The following DOP1A variants were observed in gnomAD, a reference collection of about 807,000 sequenced individuals.
The protein encoded by DOP1A is protein DOP1A.
A neutral mutation model predicts 267.6 loss-of-function variants in DOP1A; 90 were observed. The ratio of observed to expected loss-of-function variants is 0.34; its 90% confidence interval spans 0.28 to 0.40. The LOEUF is 0.40. DOP1A is among the 10% of genes least tolerant of loss of function. The pLI is 1.00. For synonymous variants in DOP1A, 932 were observed against 999.1 expected (o/e 0.93, Z 1.27); for missense variants, 2,437 against 2,900.4 (o/e 0.84, Z 3.67).
rs115375473 is a variant in DOP1A, at chr6:83,075,371, A to G, written c.-147+7592A>G. Among the ~76,000 whole-genome samples the G allele has an allele frequency of 1.7e-3, 261 of 152,278 alleles. 1 individual carries two copies. Among genetic ancestry groups the G allele is most frequent in the African/African-American group, 6.1e-3 (253 of 41,550 alleles). ...AGTCACAGTTCAATTACAATAAAGC[A>G]AGGTAAGTTCTATGATAGAGGAAGT... On this transcript the variant is annotated intron_variant, in intron 1 of 38. Transcript: ENST00000349129.
intron 6 of DOP1A, among the ~76,000 whole-genome samples, chr6:83,110,573 C>T (rs956100820): frequency 6.6e-6 from 1 of 151,912 alleles, no homozygotes; most frequent in East Asian, 1.9e-4. Context: ...AGCCAGATTC[C>T]GTATGGAATT....
intron 4 of DOP1A, among the ~76,000 whole-genome samples, chr6:83,103,625 C>T (rs749936956): frequency 4.6e-5 from 7 of 152,144 alleles, no homozygotes; most frequent in Non-Finnish European, 7.4e-5. Context: ...ATCTCTTAAC[C>T]ATTTTTCATA....
chr6:83,166,726 A>G (rs1372284785), intron 38 of DOP1A: 1 of 1,184,136 alleles, frequency 8.4e-7, no homozygotes, highest in Non-Finnish European at 1.0e-6. Context: ...ATAAGCAATA[A>G]GCTTGAGAGC....
In DOP1A at chr6:83,121,950, G is replaced by A; in HGVS notation, c.1120G>A (p.Val374Ile). 1 of 1,606,158 alleles carries A rather than the reference G, an allele frequency of 6.2e-7. No homozygotes were observed. Among genetic ancestry groups the A allele is most frequent in the Non-Finnish European group, 8.5e-7 (1 of 1,175,492 alleles). The change falls in exon 11 of 39, where the codon GTC becomes ATC. Residue 374 changes from valine to isoleucine, a missense_variant. This residue lies in a region of DOP1A where 498 missense variants were observed against 513.5 expected (regional missense o/e 0.97). Coordinates refer to ENST00000349129, the MANE Select transcript of DOP1A (RefSeq NM_015018.4). Reference protein sequence around the residue: ...PELGPVILEDVLIEVFRTLYS... With the variant: ...PELGPVILEDILIEVFRTLYS... ...TTTAGGACCTGTAATTCTAGAAGATGTCCTGATTGAAGTGTTTAGAACATT... is the reference window on the plus strand; with the variant it reads ...TTTAGGACCTGTAATTCTAGAAGATATCCTGATTGAAGTGTTTAGAACATT...
In DOP1A at chr6:83,100,772, A is replaced by C; in HGVS notation, c.206A>C (p.Gln69Pro). 1.3e-6 allele frequency: 2 copies of C among 1,592,788 alleles called. No homozygotes were observed. ...CTGACCATAGGCAAACGCCTAGCTC[A>C]ATGTCTACATCCAGCATTACCAGGT... ...KKLTIGKRLA[Q>P]CLHPALPGGV... Residue 69 changes from glutamine (Q) to proline (P), a missense_variant, in exon 4 of 39, where the codon CAA (glutamine) becomes CCA (proline). Around this residue, in one of 9 missense-constraint regions of DOP1A, gnomAD observed 251 missense variants for 359.1 expected, o/e 0.70. Coordinates refer to ENST00000349129, the MANE Select transcript of DOP1A (RefSeq NM_015018.4).
In DOP1A at chr6:83,137,924, A is replaced by G; in HGVS notation, c.3882A>G (p.Pro1294=). The G allele has an allele frequency of 6.2e-7, 1 of 1,608,888 alleles. No individual in the cohort carries two copies. Among genetic ancestry groups the G allele is most frequent in the Non-Finnish European group, 8.5e-7 (1 of 1,178,548 alleles). The change falls in exon 21 of 39, where the codon CCA becomes CCG. Residue 1294 remains proline (P), a synonymous_variant. Coordinates refer to ENST00000349129, the MANE Select transcript of DOP1A (RefSeq NM_015018.4). The part of the protein sequence containing the change: ...ETIVKESGKQ[P]GAKPKVKLAR... The stretch of plus-strand genomic sequence containing the variant: ...TAGTTAAGGAGTCAGGTAAACAACC[A>G]GGAGCAAAACCTAAAGTAAAACTTG...
At chr6:83,079,689 A>G (rs1272055496) in intron 1 of DOP1A, among the ~76,000 whole-genome samples, 1 of 152,166 alleles carries the variant, frequency 6.6e-6, no homozygotes, top group Non-Finnish European at 1.5e-5. Context: ...GGGTTTAATT[A>G]TGCTGTAAAA....
At chr6:83,076,567 A>G (rs1767130596) in intron 1 of DOP1A, among the ~76,000 whole-genome samples, 1 of 152,146 alleles carries the variant, frequency 6.6e-6, no homozygotes, top group African/African-American at 2.4e-5. Context: ...TCAAAACCAC[A>G]AAGAGATACC....
At chr6:83,108,238 G>A (rs1249625453) in intron 4 of DOP1A, among the ~76,000 whole-genome samples, 2 of 152,186 alleles carry the variant, frequency 1.3e-5, no homozygotes, top group Non-Finnish European at 2.9e-5. Flanking sequence ...GGAGTACAGT[G>A]TCATGATCAC....
chr6:83,082,304 A>C (rs1000237186), intron 1 of DOP1A, among the ~76,000 whole-genome samples: 1 of 152,224 alleles, frequency 6.6e-6, no homozygotes, highest in Non-Finnish European at 1.5e-5. Context: ...AATATGGTTT[A>C]TATACATGAT....
chr6:83,153,752 A>C (rs1039501035), intron 31 of DOP1A, 132 bp downstream of exon 31: 1 of 1,170,434 alleles, frequency 8.5e-7, no homozygotes, highest in Non-Finnish European at 1.2e-6. Context: ...GTTTAAAAAA[A>C]TTCATATATT....
chr6:83,083,447 A>G (rs372422432), intron 1 of DOP1A, among the ~76,000 whole-genome samples: 3 of 151,504 alleles, frequency 2.0e-5, no homozygotes, highest in East Asian at 3.9e-4. Context: ...GTTCAGAAAG[A>G]TACTGATTAA....
rs755281513 is a variant in DOP1A, at chr6:83,100,853, C to T, written c.287C>T (p.Pro96Leu). Reference protein sequence around the residue: ...TYEIIFKIIGPKRLAKDLFLY... With the variant: ...TYEIIFKIIGLKRLAKDLFLY... ...GAAATTATCTTCAAAATAATTGGAC[C>T]TAAGCGACTTGCCAAAGATCTTTTT... Residue 96 changes from proline to leucine, a missense_variant, in exon 4 of 39, where the codon CCT becomes CTT. Physicochemically the swap from Pro to Leu is moderately conservative, Grantham distance 98. Transcript: ENST00000349129. The T allele has an allele frequency of 1.3e-6, 2 of 1,561,678 alleles. No homozygotes were observed. Among genetic ancestry groups the T allele is most frequent in the African/African-American group, 2.7e-5 (2 of 73,080 alleles).
At chr6:83,148,425 CA>C (rs917257251) in intron 26 of DOP1A, among the ~76,000 whole-genome samples, 2 of 150,962 alleles carry the variant, frequency 1.3e-5, no homozygotes, top group Non-Finnish European at 3.0e-5. Context: ...AAAAAAAAGA[CA>C]AAAAAAGAAA....
intron 1 of DOP1A, among the ~76,000 whole-genome samples, chr6:83,070,042 T>C (rs1265237445): frequency 1.3e-5 from 2 of 152,246 alleles, no homozygotes; most frequent in African/African-American, 4.8e-5. Context: ...GAACACAATC[T>C]TAAACTGTTT....
In DOP1A at chr6:83,119,782, A is replaced by G; in HGVS notation, c.915A>G (p.Arg305=). The G allele has an allele frequency of 6.2e-7, 1 of 1,613,096 alleles. No homozygotes were observed. The highest frequency in any genetic ancestry group is 8.5e-7 in the Non-Finnish European group (1 of 1,179,268). Residue 305 remains arginine (R), a synonymous_variant, in exon 9 of 39, where the codon AGA becomes AGG. Coordinates refer to ENST00000349129, the MANE Select transcript of DOP1A (RefSeq NM_015018.4). ...FDNNGAIIGP[R]STRHSNPEEH... is the part of the protein sequence containing the mutation. ...ACAACGGTGCTATCATAGGACCCAG[A>G]AGCACAAGACACAGTAATCCTGAAG... is the stretch of plus-strand genomic sequence containing the variant.
chr6:83,085,070 G>A (rs1768846456), intron 1 of DOP1A, among the ~76,000 whole-genome samples: 1 of 152,150 alleles, frequency 6.6e-6, no homozygotes, highest in Non-Finnish European at 1.5e-5. Flanking sequence ...CCATGTGAAT[G>A]TATTCTGTAT....
intron 1 of DOP1A, among the ~76,000 whole-genome samples, chr6:83,073,321 C>T (rs948921374): frequency 3.3e-5 from 5 of 152,102 alleles, no homozygotes; most frequent in Non-Finnish European, 7.3e-5. Flanking sequence ...CTCCTGACCT[C>T]AGGTGATCTG....
At chr6:83,090,402 C>T (rs143098347) in intron 1 of DOP1A, among the ~76,000 whole-genome samples, 189 of 152,224 alleles carry the variant, frequency 1.2e-3, no homozygotes, top group African/African-American at 3.5e-3. Context: ...GTCTTTTCAT[C>T]GCCTGGGGTT....
Sources: allele counts gnomAD v4.1 joint callset (sites outside exome capture counted in the v4.1 genomes callset), GRCh38; gene constraint gnomAD v4.1.1; regional missense constraint gnomAD v4.1.1; transcripts MANE v1.5; gene names NCBI Gene and HGNC (gene_info 2026-07-23, HGNC 2026-07-21).